Variants in IGSF21 observed in about 807,000 individuals in gnomAD.
The protein encoded by IGSF21 is immunoglobulin superfamily member 21.
IGSF21 carries 28 observed loss-of-function variants against 46.8 expected under a neutral mutation model. That is an observed-to-expected ratio of 0.60 (90% CI 0.44 to 0.82). The LOEUF (loss-of-function observed/expected upper bound fraction) is 0.82. IGSF21 is among the 40% of genes least tolerant of loss of function. The pLI is 0.00. For synonymous variants in IGSF21, 284 were observed against 273.6 expected (o/e 1.04, Z -0.38); for missense variants, 624 against 665.5 (o/e 0.94, Z 0.69).
intron 2 of IGSF21, among the ~76,000 whole-genome samples, chr1:18,281,508 G>A (rs1413367842): frequency 6.6e-6 from 1 of 151,378 alleles, no homozygotes; most frequent in Non-Finnish European, 1.5e-5. Flanking sequence ...GGAGGTTGCA[G>A]TGAGCTGACA....
chr1:18,204,012 G>A (rs2087102457), intron 1 of IGSF21, among the ~76,000 whole-genome samples: 1 of 152,178 alleles, frequency 6.6e-6, no homozygotes, highest in Non-Finnish European at 1.5e-5. Flanking sequence ...TCCTTTATCT[G>A]TAAGATGTGA....
chr1:18,231,552 T>C (rs2084625830), intron 2 of IGSF21, among the ~76,000 whole-genome samples: 1 of 152,168 alleles, frequency 6.6e-6, no homozygotes, highest in African/African-American at 2.4e-5. Context: ...TCATAGCCCC[T>C]TGGTCTGGGT....
intron 2 of IGSF21, among the ~76,000 whole-genome samples, chr1:18,274,444 G>A (rs1569695571): frequency 6.6e-6 from 1 of 152,272 alleles, no homozygotes; most frequent in African/African-American, 2.4e-5. Context: ...GAGGAAAAGA[G>A]GGGCTTATAA....
intron 3 of IGSF21, among the ~76,000 whole-genome samples, chr1:18,319,793 GC>G (rs1009110085): frequency 1.4e-4 from 22 of 152,014 alleles, no homozygotes; most frequent in Admixed American, 8.5e-4. Flanking sequence ...AAATAGAAGC[GC>G]CCCCTCCACT....
intron 3 of IGSF21, among the ~76,000 whole-genome samples, chr1:18,328,483 A>G (rs548604809): frequency 2.0e-5 from 3 of 152,314 alleles, no homozygotes; most frequent in South Asian, 4.1e-4. Context: ...AAGTTGAACC[A>G]TTGTGAGTCG....
Position 18,221,233 on chromosome 1 carries a change from G to A in IGSF21, c.71-6665G>A, listed in dbSNP as rs370723191. Among the ~76,000 whole-genome samples, 379 of 152,278 alleles carry A rather than the reference G, an allele frequency of 2.5e-3. 17 individuals are homozygous for A. In the South Asian group the frequency reaches 0.07, roughly 28 times the overall value. The stretch of plus-strand genomic sequence containing the variant: ...TTAGCCAGGGCCATCCATGGACCAC[G>A]GTGAAGTTATAACAAGGGTGAAAAC... On this transcript the variant is annotated intron_variant, in intron 1 of 9. Transcript: ENST00000251296.
intron 2 of IGSF21, among the ~76,000 whole-genome samples, chr1:18,272,914 A>G (rs1401277015): frequency 1.3e-5 from 2 of 152,154 alleles, no homozygotes; most frequent in Admixed American, 6.5e-5. Context: ...AAAGGAATGG[A>G]CAAGAGGCCC....
intron 1 of IGSF21, among the ~76,000 whole-genome samples, chr1:18,189,309 C>T (rs2086933174): frequency 6.6e-6 from 1 of 152,188 alleles, no homozygotes; most frequent in African/African-American, 2.4e-5. Context: ...GTCATCACCT[C>T]CCAGCTCACT....
At chr1:18,288,761 G>C (rs1201387730) in intron 2 of IGSF21, among the ~76,000 whole-genome samples, 2 of 152,210 alleles carry the variant, frequency 1.3e-5, no homozygotes, top group Admixed American at 1.3e-4. Context: ...GAGGGAGGAA[G>C]GAGTGTGTAC....
chr1:18,132,283 T>G (rs1215287355), intron 1 of IGSF21, among the ~76,000 whole-genome samples: 1 of 152,084 alleles, frequency 6.6e-6, no homozygotes, highest in African/African-American at 2.4e-5. Context: ...TATGACAAGG[T>G]CATATCTATG....
intron 1 of IGSF21, among the ~76,000 whole-genome samples, chr1:18,188,453 G>A (rs891605610): frequency 6.6e-6 from 1 of 152,164 alleles, no homozygotes; most frequent in African/African-American, 2.4e-5. Context: ...GGTGCTAGCT[G>A]AGACTAGGAA....
chr1:18,291,440 A>C (rs1297374554), intron 2 of IGSF21, among the ~76,000 whole-genome samples: 2 of 152,140 alleles, frequency 1.3e-5, no homozygotes, highest in African/African-American at 4.8e-5. Flanking sequence ...TGTAAATCTA[A>C]TCTAATCCTG....
intron 2 of IGSF21, among the ~76,000 whole-genome samples, chr1:18,271,329 A>C (rs904769635): frequency 1.3e-5 from 2 of 152,204 alleles, no homozygotes; most frequent in African/African-American, 4.8e-5. Flanking sequence ...TGTAGAATTA[A>C]GGTGATCAGC....
At position 18,334,140 on chromosome 1, in the gene IGSF21, TC is replaced by T. The variant is rs2085741830; in HGVS notation, c.306-750del. Among the ~76,000 whole-genome samples the T allele has an allele frequency of 6.6e-6, 1 of 152,150 alleles. No individual in the cohort carries two copies. The highest frequency in any genetic ancestry group is 1.5e-5 in the Non-Finnish European group (1 of 68,018). ...AGCAGGTTTGAGGGGGTCTCTCCCA[TC>T]CTTAGGGATCACCTCTTCTGAGACA... On this transcript the variant is annotated intron_variant, in intron 3 of 9. Transcript: ENST00000251296. This position sits in a 1 kb window ranked among gnomAD's most constrained non-coding sequence, Gnocchi z 4.3.
At chr1:18,326,320 C>G (rs769613572) in intron 3 of IGSF21, among the ~76,000 whole-genome samples, 36 of 152,206 alleles carry the variant, frequency 2.4e-4, no homozygotes, top group Non-Finnish European at 2.6e-4. Context: ...GGCGCAGAAA[C>G]AGTAAAACTT....
intron 1 of IGSF21, chr1:18,115,106 C>A: frequency 6.6e-6 from 1 of 152,584 alleles, no homozygotes; most frequent in Non-Finnish European, 1.5e-5. Flanking sequence ...TCTTGTCCTG[C>A]TCAGAGATTT....
At chr1:18,168,425 T>A (rs2086700831) in intron 1 of IGSF21, among the ~76,000 whole-genome samples, 1 of 152,184 alleles carries the variant, frequency 6.6e-6, no homozygotes, top group South Asian at 2.1e-4. Context: ...CTCAGCTCCA[T>A]GCCTGAGTTT....
rs190868642 is a variant in IGSF21, at chr1:18,374,756, C to T, written c.1016-1554C>T. Among the ~76,000 whole-genome samples, 8 of 152,172 alleles carry T rather than the reference C, an allele frequency of 5.3e-5. No individual in the cohort carries two copies. In the East Asian group the frequency reaches 1.3e-3, roughly 26 times the overall value. ...CACATCTGCCAACTGCTCTGATTTC[C>T]GTTCTAAGAGCTTTGCGTCAGAAAG... On this transcript the variant is annotated intron_variant, in intron 6 of 9. Transcript: ENST00000251296.
At chr1:18,199,971 C>T (rs1279582530) in intron 1 of IGSF21, among the ~76,000 whole-genome samples, 8 of 151,258 alleles carry the variant, frequency 5.3e-5, no homozygotes, top group Admixed American at 3.3e-4. Context: ...TGGGTAGGAG[C>T]GGGTCCAAGG....
Sources: gnomAD v4.1 joint callset for allele counts (sites outside exome capture counted in the v4.1 genomes callset) on GRCh38, gnomAD v4.1.1 for gene constraint, Gnocchi (gnomAD v3.1) non-coding constraint, MANE v1.5 for transcripts, NCBI Gene and HGNC (gene_info 2026-07-23, HGNC 2026-07-21) for gene names.